The following LRRC7 variants were observed in gnomAD, a reference collection of about 807,000 sequenced individuals.
LRRC7 encodes leucine-rich repeat-containing protein 7.
Under a neutral mutation model 175.7 loss-of-function variants are expected in LRRC7, and 23 were observed. That is an observed-to-expected ratio of 0.13 (90% confidence interval 0.09 to 0.19). LRRC7 has a LOEUF of 0.19. Among genes scored for constraint, LRRC7 ranks in the 10% least tolerant of loss-of-function variants. The pLI is 1.00. For missense variants in LRRC7, 1,354 were observed against 1,904.7 expected (o/e 0.71, Z 5.38); for synonymous variants, 685 against 680.9 (o/e 1.01, Z -0.09).
chr1:69,935,293 C>T (rs995452930), intron 8 of LRRC7, among the ~76,000 whole-genome samples: 1 of 152,058 alleles, frequency 6.6e-6, no homozygotes, highest in African/African-American at 2.4e-5. Flanking sequence ...TTTCCTTATC[C>T]TGTGCTATTC....
chr1:70,016,357 G>C (rs1656962528), intron 13 of LRRC7, 108 bp from the exon 14 acceptor site: 3 of 727,978 alleles, frequency 4.1e-6, no homozygotes, highest in African/African-American at 3.6e-5. Context: ...ATGGAGAAGG[G>C]ATTCAAGAAA....
At chr1:69,829,546 A>C (rs1421167421) in intron 5 of LRRC7, among the ~76,000 whole-genome samples, 2 of 151,886 alleles carry the variant, frequency 1.3e-5, no homozygotes, top group Non-Finnish European at 3.0e-5. Flanking sequence ...TGATCTATCA[A>C]ACACCATATC....
rs186295374 is a variant in LRRC7 at position 70,054,434 on chromosome 1, A to G, written c.4230+1289A>G. Among the ~76,000 whole-genome samples the G allele has an allele frequency of 2.6e-5, 4 of 152,192 alleles. No homozygotes were observed. In the East Asian group the frequency reaches 7.7e-4, roughly 29 times the overall value. On this transcript the variant is annotated intron_variant, in intron 23 of 26. Coordinates refer to ENST00000651989, the MANE Select transcript of LRRC7 (RefSeq NM_001370785.2). ...TTAAGCATAAGTACATAAGAAACCT[A>G]TTGTTATAAGTAAATGGTAAATGTA...
At chr1:69,673,456 CTCTCTTTGCTAGAATTGTTAA>C (rs1659377473) in intron 1 of LRRC7, among the ~76,000 whole-genome samples, 1 of 152,186 alleles carries the variant, frequency 6.6e-6, no homozygotes, top group African/African-American at 2.4e-5. Context: ...TACATTTAAT[CTCTCTTTGCTAGAATTGTTAA>C]CACACTCCCA....
At chr1:69,684,414 GA>G (rs1660870066) in intron 2 of LRRC7, among the ~76,000 whole-genome samples, 1 of 152,012 alleles carries the variant, frequency 6.6e-6, no homozygotes. Flanking sequence ...CATAAGGAAA[GA>G]AAAAGAGAAA....
chr1:70,110,136 T>C (rs1455791497), intron 26 of LRRC7, among the ~76,000 whole-genome samples: 1 of 152,164 alleles, frequency 6.6e-6, no homozygotes, highest in Non-Finnish European at 1.5e-5. Flanking sequence ...CCCCACCACT[T>C]TGAGAGGCAG....
chr1:69,797,194 C>T (rs78508293), intron 4 of LRRC7, among the ~76,000 whole-genome samples: 1 of 152,168 alleles, frequency 6.6e-6, no homozygotes, highest in East Asian at 1.9e-4. Flanking sequence ...ATTGTTTTAA[C>T]CGAGTGCTGG....
At chr1:70,045,166 C>T (rs6696934) in intron 22 of LRRC7, among the ~76,000 whole-genome samples, 2 of 151,262 alleles carry the variant, frequency 1.3e-5, no homozygotes, top group African/African-American at 2.4e-5. Flanking sequence ...TATCACTCAC[C>T]GTAACTTTAA....
intron 1 of LRRC7, among the ~76,000 whole-genome samples, chr1:69,621,336 G>A (rs935313481): frequency 6.6e-6 from 1 of 152,062 alleles, no homozygotes; most frequent in Non-Finnish European, 1.5e-5. Flanking sequence ...GTGAGCCACC[G>A]CACCCAGCCT....
intron 1 of LRRC7, among the ~76,000 whole-genome samples, chr1:69,637,097 T>TCTCTCTCTCTCTCTCTCTC (rs1653496690): frequency 6.7e-6 from 1 of 149,240 alleles, no homozygotes; most frequent in South Asian, 2.1e-4. Flanking sequence ...TCTCTCTCTC[T>TCTCTCTCTCTCTCTCTCTC]TCCCCTCCCC....
rs536520322 is a variant in LRRC7 at position 69,587,101 on chromosome 1, G to A, written c.2+18460G>A. On this transcript the variant is annotated intron_variant, in intron 1 of 26. Transcript: ENST00000651989. ...TTTGTAAGTATGCAAGTAGTAAAAT[G>A]TGGTATAATATAACAGAGTGTTTTT... Among the ~76,000 whole-genome samples the A allele has an allele frequency of 1.4e-4, 21 of 152,232 alleles. No homozygotes were observed. In the South Asian group the frequency reaches 4.4e-3, roughly 32 times the overall value.
chr1:69,867,853 T>A (rs573388496), intron 7 of LRRC7, among the ~76,000 whole-genome samples: 9 of 152,248 alleles, frequency 5.9e-5, no homozygotes, highest in African/African-American at 1.9e-4. Context: ...ACTTAGAGGA[T>A]AGGACAGGTA....
chr1:69,797,333 T>G (rs2101080843), intron 4 of LRRC7, among the ~76,000 whole-genome samples: 1 of 152,274 alleles, frequency 6.6e-6, no homozygotes, highest in East Asian at 1.9e-4. Context: ...GTTTTGGCCT[T>G]TCCCCTGAGC....
chr1:70,137,357 C>G lies in LRRC7; in HGVS notation c.*15470C>G, dbSNP rs1283559659. Among the ~76,000 whole-genome samples the G allele has an allele frequency of 6.6e-6, 1 of 152,130 alleles. No homozygotes were observed. Among genetic ancestry groups the G allele is most frequent in the Non-Finnish European group, 1.5e-5 (1 of 68,028 alleles). On this transcript the variant is annotated 3_prime_UTR_variant, in exon 27 of 27. Transcript: ENST00000651989. ...GGCTTGATAACAAAGGCTTACTGTTCCACTTAAAGGGATCAATCTGAGGGA... is the reference window on the plus strand; with the variant it reads ...GGCTTGATAACAAAGGCTTACTGTTGCACTTAAAGGGATCAATCTGAGGGA...
chr1:69,759,984 G>A (rs1557692090), intron 2 of LRRC7, among the ~76,000 whole-genome samples: 1 of 151,930 alleles, frequency 6.6e-6, no homozygotes, highest in African/African-American at 2.4e-5. Flanking sequence ...GCCCATTTTC[G>A]AATTTGCTAG....
chr1:69,880,991 A>G (rs17131072), intron 7 of LRRC7, among the ~76,000 whole-genome samples: 14,305 of 152,258 alleles, frequency 0.094, 1,565 homozygotes, highest in African/African-American at 0.27. Flanking sequence ...TTTGACTAAG[A>G]TCCAGTCCAA....
rs1018375111 is a variant in LRRC7, at chr1:69,911,185, G to A, written c.648-20322G>A. Among the ~76,000 whole-genome samples, 36 of 151,664 alleles carry A rather than the reference G, an allele frequency of 2.4e-4. No individual in the cohort carries two copies. In the East Asian group the frequency reaches 2.9e-3, roughly 12 times the overall value. ...AATGCCTTGCCCTGCTTCGGCTCGC[G>A]CACGGTGCACTGCACCCACTGTCCT... is the stretch of plus-strand genomic sequence containing the variant. On this transcript the variant is annotated intron_variant, in intron 7 of 26. Coordinates refer to ENST00000651989, the MANE Select transcript of LRRC7 (RefSeq NM_001370785.2).
At chr1:69,700,373 T>C (rs1038556177) in intron 2 of LRRC7, among the ~76,000 whole-genome samples, 8 of 152,230 alleles carry the variant, frequency 5.3e-5, no homozygotes, top group Non-Finnish European at 1.0e-4. Flanking sequence ...TATGTAACTA[T>C]GTGCTATTAG....
intron 3 of LRRC7, among the ~76,000 whole-genome samples, chr1:69,777,993 G>A (rs1395216155): frequency 6.6e-6 from 1 of 152,128 alleles, no homozygotes; most frequent in Non-Finnish European, 1.5e-5. Context: ...GCTGACATGA[G>A]GCCTCTATAG....
Sources: gnomAD v4.1 joint callset for allele counts (sites outside exome capture counted in the v4.1 genomes callset) on GRCh38, gnomAD v4.1.1 for gene constraint, MANE v1.5 for transcripts, NCBI Gene and HGNC (gene_info 2026-07-23, HGNC 2026-07-21) for gene names.